Variants in UNC13C observed in about 807,000 individuals in gnomAD.
The protein encoded by UNC13C is protein unc-13 homolog C.
Under a neutral mutation model 245.4 loss-of-function variants are expected in UNC13C, and 174 were observed. The observed-to-expected ratio is 0.71, with a 90% CI of 0.63 to 0.80. The LOEUF (loss-of-function observed/expected upper bound fraction) is 0.80. Among genes scored for constraint, UNC13C ranks in the 30% least tolerant of loss-of-function variants. UNC13C has a pLI of 0.00. For missense variants in UNC13C, 2,829 were observed against 2,602.9 expected, an observed-to-expected ratio of 1.09 and a Z score of -1.89; for synonymous variants, 992 against 895.1, an observed-to-expected ratio of 1.11 and a Z score of -1.93.
At chr15:53,947,689 A>G in the UNC13C span, 16 of 152,146 alleles carry the variant, frequency 1.1e-4, no homozygotes, top group Non-Finnish European at 2.1e-4. Flanking sequence ...AGCTCCCAAC[A>G]CAGTGTTTTG....
chr15:54,299,943 T>C (rs1452738108), intron 12 of UNC13C, among the ~76,000 whole-genome samples: 2 of 152,210 alleles, frequency 1.3e-5, no homozygotes, highest in African/African-American at 4.8e-5. Context: ...TATCCAGAGC[T>C]ATTATGACAT....
chr15:54,124,745 T>G (rs978743680), intron 2 of UNC13C, among the ~76,000 whole-genome samples: 2 of 152,214 alleles, frequency 1.3e-5, no homozygotes, highest in African/African-American at 4.8e-5. Context: ...GAGTTTTACA[T>G]TTTTATATTT....
At chr15:53,837,620 C>T in the UNC13C span, 6 of 152,220 alleles carry the variant, frequency 3.9e-5, no homozygotes, top group South Asian at 6.2e-4. Flanking sequence ...CCAGGCAGCA[C>T]CAACTAGCAC....
At chr15:53,873,348 G>T in the UNC13C span, among the ~76,000 whole-genome samples, 3 of 152,028 alleles carry the variant, frequency 2.0e-5, no homozygotes, top group African/African-American at 7.2e-5. Flanking sequence ...CCCTGACTAA[G>T]TAGTACCCCG....
At chr15:54,055,570 C>T (rs1381862365) in intron 2 of UNC13C, among the ~76,000 whole-genome samples, 2 of 152,164 alleles carry the variant, frequency 1.3e-5, no homozygotes, top group Non-Finnish European at 2.9e-5. Context: ...AGACAAAATG[C>T]AAATGTGAGT....
At chr15:53,844,660 C>G in the UNC13C span, among the ~76,000 whole-genome samples, 11 of 152,018 alleles carry the variant, frequency 7.2e-5, no homozygotes, top group Non-Finnish European at 1.3e-4. Flanking sequence ...AGATGCATCT[C>G]AAAGGGACAA....
At chr15:54,281,448 G>A (rs754379704) in intron 10 of UNC13C, among the ~76,000 whole-genome samples, 6 of 152,194 alleles carry the variant, frequency 3.9e-5, no homozygotes, top group Non-Finnish European at 8.8e-5. Context: ...AGCTAAATAT[G>A]TAGTTGTATG....
chr15:54,290,404 TA>T (rs1337508176), intron 10 of UNC13C, among the ~76,000 whole-genome samples: 1 of 151,926 alleles, frequency 6.6e-6, no homozygotes, highest in Non-Finnish European at 1.5e-5. Flanking sequence ...TTCATTTAAT[TA>T]AAAAAATGAA....
At chr15:54,202,885 A>C (rs2141349582) in intron 4 of UNC13C, among the ~76,000 whole-genome samples, 1 of 152,210 alleles carries the variant, frequency 6.6e-6, no homozygotes, top group African/African-American at 2.4e-5. Flanking sequence ...CAGACCATCA[A>C]CAGAATGGGA....
chr15:54,573,629 G>A (rs2141226404), intron 30 of UNC13C, among the ~76,000 whole-genome samples: 1 of 152,316 alleles, frequency 6.6e-6, no homozygotes, highest in South Asian at 2.1e-4. Context: ...TGGATATGAT[G>A]TTATGTATGC....
intron 17 of UNC13C, among the ~76,000 whole-genome samples, chr15:54,357,015 T>A (rs1007110798): frequency 6.6e-6 from 1 of 152,134 alleles, no homozygotes; most frequent in African/African-American, 2.4e-5. Flanking sequence ...CAAACATAAT[T>A]TCTTTAGATT....
At chr15:54,425,162 C>T (rs1439390772) in intron 19 of UNC13C, among the ~76,000 whole-genome samples, 1 of 151,688 alleles carries the variant, frequency 6.6e-6, no homozygotes, top group African/African-American at 2.4e-5. Context: ...TATTTGTAAA[C>T]CTTAGTACCA....
chr15:54,612,651 G>A (rs75780302), intron 30 of UNC13C, among the ~76,000 whole-genome samples: 6,076 of 151,754 alleles, frequency 0.04, 221 homozygotes, highest in Admixed American at 0.12. Context: ...CTCTAATTTC[G>A]CACAGTCTTA....
chr15:54,373,762 A>G (rs1003126439), intron 17 of UNC13C, among the ~76,000 whole-genome samples: 3 of 152,254 alleles, frequency 2.0e-5, no homozygotes, highest in East Asian at 1.9e-4. Flanking sequence ...AGCAAGGGGC[A>G]TGTTTCTGCC....
Position 54,013,389 on chromosome 15 carries a change from C to G in UNC13C, c.486C>G (p.Pro162=), listed in dbSNP as rs1196482632. The G allele has an allele frequency of 6.2e-7, 1 of 1,613,846 alleles. No individual in the cohort carries two copies. The highest frequency in any genetic ancestry group is 1.7e-5 in the Admixed American group (1 of 59,994). The change falls in exon 2 of 33, where the codon CCC becomes CCG. Residue 162 remains proline (P), a synonymous_variant. Transcript: ENST00000260323. The part of the protein sequence containing the change: ...RNRKSSSSLA[P]SEGSSDGERT... ...GAAAGAGTTCAAGCAGCCTTGCACCCTCTGAGGGCAGCTCTGACGGGGAGC... is the reference window on the plus strand; with the variant it reads ...GAAAGAGTTCAAGCAGCCTTGCACCGTCTGAGGGCAGCTCTGACGGGGAGC...
At position 54,014,821 on chromosome 15, in the gene UNC13C, C is replaced by G; in HGVS notation, c.1918C>G (p.Arg640Gly). 1 of 1,613,764 alleles carries G rather than the reference C, an allele frequency of 6.2e-7. No individual in the cohort carries two copies. Among genetic ancestry groups the G allele is most frequent in the Non-Finnish European group, 8.5e-7 (1 of 1,179,806 alleles). The change falls in exon 2 of 33, where the codon CGG (arginine) becomes GGG (glycine). Residue 640 changes from arginine to glycine, a missense_variant. Coordinates refer to ENST00000260323, the MANE Select transcript of UNC13C (RefSeq NM_001080534.3). ...SNGMVCASGD[R>G]SHYSDSQLSL... ...TGGCATGGTGTGTGCATCTGGAGAC[C>G]GGAGTCATTACAGTGATTCTCAGCT... is the stretch of plus-strand genomic sequence containing the variant.
rs949717213 is a variant in UNC13C, at chr15:54,266,582, A to T, written c.3818+1086A>T. Among the ~76,000 whole-genome samples, 7 of 152,152 alleles carry T rather than the reference A, an allele frequency of 4.6e-5. 1 individual carries two copies. Among genetic ancestry groups the T allele is most frequent in the Non-Finnish European group, 8.8e-5 (6 of 67,912 alleles). On this transcript the variant is annotated intron_variant, in intron 10 of 32. Transcript: ENST00000260323. Reference sequence around the variant, plus strand: ...TCCGTTGCCATGCGATCATGTAGACAAGATGCAGCTAGAGCTTCCAGTTTT... The same window carrying T: ...TCCGTTGCCATGCGATCATGTAGACTAGATGCAGCTAGAGCTTCCAGTTTT...
At chr15:53,945,093 A>T in the UNC13C span, among the ~76,000 whole-genome samples, 1 of 152,022 alleles carries the variant, frequency 6.6e-6, no homozygotes, top group African/African-American at 2.4e-5. Context: ...TCCTTTGCCC[A>T]TGTGTTAATG....
intron 2 of UNC13C, among the ~76,000 whole-genome samples, chr15:54,075,474 G>A (rs1734572441): frequency 1.5e-5 from 2 of 134,840 alleles, no homozygotes; most frequent in Non-Finnish European, 3.0e-5. Context: ...GCCGGAGCTT[G>A]CAGTGAGCCG....
Sources: gnomAD v4.1 joint callset for allele counts (sites outside exome capture counted in the v4.1 genomes callset) on GRCh38, gnomAD v4.1.1 for gene constraint, MANE v1.5 for transcripts, NCBI Gene and HGNC (gene_info 2026-07-23, HGNC 2026-07-21) for gene names.